Variants in LOXHD1 observed in about 807,000 individuals in gnomAD.
The protein encoded by LOXHD1 is lipoxygenase homology domain-containing protein 1.
A neutral mutation model predicts 248.2 loss-of-function variants in LOXHD1; 205 were observed. The ratio of observed to expected loss-of-function variants is 0.83; its 90% CI spans 0.74 to 0.93. The LOEUF is 0.93. Ranked by LOEUF, LOXHD1 falls within the 40% of genes least tolerant of loss-of-function variation. The pLI is 0.00. For synonymous variants in LOXHD1, 1,113 were observed against 1,162.8 expected (o/e 0.96, Z 0.87); for missense variants, 2,930 against 2,971.6 (o/e 0.99, Z 0.33).
chr18:46,637,373 T>C (rs1401366426), intron 4 of LOXHD1, among the ~76,000 whole-genome samples: 2 of 152,166 alleles, frequency 1.3e-5, no homozygotes, highest in African/African-American at 4.8e-5. Flanking sequence ...GTTACATGAA[T>C]TGTTTCTCAT....
intron 37 of LOXHD1, among the ~76,000 whole-genome samples, chr18:46,501,267 C>T (rs1189352019): frequency 1.3e-5 from 2 of 152,230 alleles, no homozygotes; most frequent in African/African-American, 2.4e-5. Context: ...ATGCCATGCA[C>T]GTTCTCAGAT....
At chr18:46,616,500 A>G (rs534607748) in intron 5 of LOXHD1, among the ~76,000 whole-genome samples, 39 of 152,284 alleles carry the variant, frequency 2.6e-4, no homozygotes, top group Admixed American at 7.2e-4. Flanking sequence ...GTTAGTCATC[A>G]TTTTTGTTGT....
chr18:46,655,550 A>T (rs1352217475), intron 1 of LOXHD1, among the ~76,000 whole-genome samples: 1 of 152,140 alleles, frequency 6.6e-6, no homozygotes, highest in Non-Finnish European at 1.5e-5. Context: ...CCCTCACAAG[A>T]GGGTCAGAGC....
At chr18:46,484,687 GA>G (rs2032887620) in intron 39 of LOXHD1, among the ~76,000 whole-genome samples, 2 of 152,200 alleles carry the variant, frequency 1.3e-5, no homozygotes, top group African/African-American at 4.8e-5. Context: ...AGAGAGTGAG[GA>G]GATGAAGTGG....
chr18:46,611,073 G>C, intron 5 of LOXHD1, 149 bp from the exon 6 acceptor site: 1 of 912,202 alleles, frequency 1.1e-6, no homozygotes, highest in Non-Finnish European at 1.6e-6. Flanking sequence ...CATCCCTCCA[G>C]TCTCTGAACA....
intron 19 of LOXHD1, 124 bp from the exon 20 acceptor site, chr18:46,559,726 A>G: frequency 1.8e-6 from 2 of 1,118,526 alleles, no homozygotes; most frequent in South Asian, 1.6e-5. Flanking sequence ...ATCTACACTA[A>G]CCTGGGACTG....
chr18:46,571,818 A>G (rs2037756927), intron 15 of LOXHD1, among the ~76,000 whole-genome samples: 1 of 152,326 alleles, frequency 6.6e-6, no homozygotes, highest in Middle Eastern at 3.4e-3. Context: ...GGTACTGCCA[A>G]TGCTTGGCAC....
rs114152713 is a variant in LOXHD1 at position 46,602,511 on chromosome 18, T to C, written c.884-1044A>G. Among the ~76,000 whole-genome samples, 1,203 of 152,162 alleles carry C rather than the reference T, an allele frequency of 7.9e-3. 28 individuals are homozygous for C. Among genetic ancestry groups the C allele is most frequent in the East Asian group, 0.076 (390 of 5,154 alleles). On this transcript the variant is annotated intron_variant, in intron 7 of 40. Transcript: ENST00000642948. Reference sequence around the variant, plus strand: ...ATGAGACACCATGCCTGGCCTACATTCTGTAATTCTGTCCTGGGGTCTAAG... The same window carrying C: ...ATGAGACACCATGCCTGGCCTACATCCTGTAATTCTGTCCTGGGGTCTAAG...
chr18:46,626,772 G>T (rs904000832), intron 4 of LOXHD1, among the ~76,000 whole-genome samples: 6 of 152,174 alleles, frequency 3.9e-5, no homozygotes, highest in African/African-American at 1.2e-4. Flanking sequence ...CTCTGTGTTT[G>T]CTCCTAGCTT....
At chr18:46,633,228 T>C (rs1162966709) in intron 4 of LOXHD1, among the ~76,000 whole-genome samples, 1 of 152,146 alleles carries the variant, frequency 6.6e-6, no homozygotes, top group African/African-American at 2.4e-5. Context: ...TAAAACTTAC[T>C]GCAAAGTTAC....
Position 46,521,127 on chromosome 18 carries a change from C to T in LOXHD1, c.5241G>A (p.Leu1747=), listed in dbSNP as rs766111301. The T allele has an allele frequency of 1.9e-6, 3 of 1,551,768 alleles. No individual in the cohort carries two copies. In the South Asian group the frequency reaches 3.6e-5, roughly 18 times the overall value. Residue 1747 remains leucine (L), a synonymous_variant, in exon 33 of 41, where the codon TTG becomes TTA. Transcript: ENST00000642948. ...CCCCAATGTTCACCACCATGGCATC[C>T]AAGAGGTCGAAGACACGGGAGGTGA... ...DGITSRVFDL[L]DAMVVNIGVK... is the part of the protein sequence containing the mutation.
chr18:46,553,063 C>A (rs1189968358), intron 21 of LOXHD1, among the ~76,000 whole-genome samples: 1 of 152,230 alleles, frequency 6.6e-6, no homozygotes, highest in African/African-American at 2.4e-5. Flanking sequence ...AACCCTGAGA[C>A]AACCACCACT....
chr18:46,478,077 C>T (rs886845620), intron 40 of LOXHD1, 125 bp from the exon 41 acceptor site: 19 of 1,302,778 alleles, frequency 1.5e-5, no homozygotes, highest in Non-Finnish European at 2.0e-5. Flanking sequence ...GATATTGGAG[C>T]TGGAAATGTT....
Position 46,538,323 on chromosome 18 carries a change from T to A in LOXHD1, c.3928A>T (p.Ile1310Phe), listed in dbSNP as rs1426254643. The A allele has an allele frequency of 1.3e-6, 2 of 1,549,606 alleles. No homozygotes were observed. The highest frequency in any genetic ancestry group is 1.7e-6 in the Non-Finnish European group (2 of 1,145,180). ...AAGACATCACTGGTGTAGAGGGTGA[T>A]CTCGTAAGGAACAACTGAGGGTGGT... ...RLYTPFVPYEITLYTSDVFAA... is the reference protein window; with the variant it reads ...RLYTPFVPYEFTLYTSDVFAA... The change falls in exon 26 of 41, where the codon ATC (isoleucine) becomes TTC (phenylalanine). Residue 1310 changes from isoleucine (I) to phenylalanine (F), a missense_variant. Coordinates refer to ENST00000642948, the MANE Select transcript of LOXHD1 (RefSeq NM_001384474.1).
chr18:46,477,605 G>A lies in LOXHD1; in HGVS notation c.6689C>T (p.Ser2230Leu). ...CTCCACCTTCTCCACCAGCCAGCCT[G>A]AGCAGTAGCCACTGCTGTCGTGCTC... The part of the protein sequence containing the change: ...RLEHDSSGYC[S>L]GWLVEKVEVT... The change falls in exon 41 of 41, where the codon TCA (serine) becomes TTA (leucine). Residue 2230 changes from serine (S) to leucine (L), a missense_variant. Transcript: ENST00000642948. 3 of 1,551,756 alleles carry A rather than the reference G, an allele frequency of 1.9e-6. No homozygotes were observed. Among genetic ancestry groups the A allele is most frequent in the Non-Finnish European group, 2.6e-6 (3 of 1,147,022 alleles).
chr18:46,555,143 G>A, intron 21 of LOXHD1: 1 of 471,044 alleles, frequency 2.1e-6, no homozygotes, highest in Non-Finnish European at 4.4e-6. Context: ...AGCTGCAAGG[G>A]GAAGCTGGGG....
At chr18:46,485,760 T>C (rs1232083211) in intron 38 of LOXHD1, among the ~76,000 whole-genome samples, 1 of 152,102 alleles carries the variant, frequency 6.6e-6, no homozygotes, top group Non-Finnish European at 1.5e-5. Flanking sequence ...TATGACAGAA[T>C]GTGATAGATA....
At chr18:46,520,819 C>T in intron 33 of LOXHD1, 1 of 424,860 alleles carries the variant, frequency 2.4e-6, no homozygotes, top group Non-Finnish European at 4.3e-6. Context: ...TGGAACAGGC[C>T]ATGAGTAGCA....
Position 46,579,618 on chromosome 18 carries a change from G to T in LOXHD1, c.1809+12C>A, listed in dbSNP as rs768033103. 6.4e-7 allele frequency: 1 copy of T among 1,551,668 alleles called. No individual in the cohort carries two copies. Among genetic ancestry groups the T allele is most frequent in the South Asian group, 1.2e-5 (1 of 84,058 alleles). ...AGGAAGGGGATGAGTGGGGCACATT[G>T]CTGTAACTTACATTGCCCTTTTCAA... On this transcript the variant is annotated intron_variant, in intron 13 of 40. Coordinates refer to ENST00000642948, the MANE Select transcript of LOXHD1 (RefSeq NM_001384474.1).
Sources: gnomAD v4.1 joint callset for allele counts (sites outside exome capture counted in the v4.1 genomes callset) on GRCh38, gnomAD v4.1.1 for gene constraint, MANE v1.5 for transcripts, NCBI Gene and HGNC (gene_info 2026-07-23, HGNC 2026-07-21) for gene names.